EXOC2: variants seen among roughly 807,000 people sequenced by gnomAD.
EXOC2 encodes the protein exocyst complex component 2, also known as SEC5-like 1.
In EXOC2, 70 loss-of-function variants were observed where a neutral mutation model predicts 131.8. The observed-to-expected ratio is 0.53, with a 90% CI of 0.44 to 0.65. The LOEUF (loss-of-function observed/expected upper bound fraction) is 0.65, where lower values mean the gene tolerates loss of function less well. Ranked by LOEUF, EXOC2 falls within the 30% of genes least tolerant of loss-of-function variation. The pLI, the probability that EXOC2 is intolerant of heterozygous loss-of-function variation, is 0.00. For synonymous variants in EXOC2, 411 were observed against 398.4 expected (o/e 1.03, Z -0.38); for missense variants, 923 against 1,108.6 (o/e 0.83, Z 2.38).
At chr6:685,867 C>CTTTTTTTTTTTTTT (rs1491058770) in intron 1 of EXOC2, among the ~76,000 whole-genome samples, 8 of 121,414 alleles carry the variant, frequency 6.6e-5, no homozygotes, top group Admixed American at 2.6e-4. Context: ...TTTCCTGGAC[C>CTTTTTTTTTTTTTT]TCTTTTTTTT....
At chr6:507,121 CACAT>C (rs1471880426) in intron 23 of EXOC2, among the ~76,000 whole-genome samples, 48 of 44,886 alleles carry the variant, frequency 1.1e-3, no homozygotes, top group African/African-American at 2.1e-3. Flanking sequence ...AGTGACTACA[CACAT>C]ACACACACAC....
chr6:603,677 C>A lies in EXOC2; in HGVS notation c.743-4452G>T, dbSNP rs561219492. Among the ~76,000 whole-genome samples the A allele has an allele frequency of 9.9e-5, 15 of 152,058 alleles. No homozygotes were observed. In the South Asian group the frequency reaches 3.1e-3, roughly 32 times the overall value. The stretch of plus-strand genomic sequence containing the variant: ...CCAGCCACTGAGCAAACGTCAGTTT[C>A]TTTTCCACATCCTGGCCCTTCTGGA... On this transcript the variant is annotated intron_variant, in intron 7 of 27. Coordinates refer to ENST00000230449, the MANE Select transcript of EXOC2 (RefSeq NM_018303.6).
At chr6:521,417 A>G (rs1024555672) in intron 23 of EXOC2, among the ~76,000 whole-genome samples, 3 of 152,268 alleles carry the variant, frequency 2.0e-5, no homozygotes, top group African/African-American at 7.2e-5. Flanking sequence ...TATGATGTTC[A>G]TGATGGTAGC....
At chr6:594,912 T>G (rs1413502142) in intron 10 of EXOC2, among the ~76,000 whole-genome samples, 1 of 108,748 alleles carries the variant, frequency 9.2e-6, no homozygotes, top group East Asian at 2.6e-4. Context: ...CTTTTAAAAC[T>G]GCATATTAAG....
chr6:586,881 G>A (rs1561891873), intron 11 of EXOC2, among the ~76,000 whole-genome samples: 1 of 151,520 alleles, frequency 6.6e-6, no homozygotes, highest in Non-Finnish European at 1.5e-5. Context: ...GGTCTGTCCT[G>A]TGGCTTCTCT....
chr6:556,029 T>G lies in EXOC2; in HGVS notation c.1933-16A>C. 1 of 1,611,626 alleles carries G rather than the reference T, an allele frequency of 6.2e-7. No homozygotes were observed. The highest frequency in any genetic ancestry group is 8.5e-7 in the Non-Finnish European group (1 of 1,179,360). ...GTTGGAAGACCTGTAAGGAAGAATTTTGATGAAAATTTTTGGACTTTGCTA... is the reference window on the plus strand; with the variant it reads ...GTTGGAAGACCTGTAAGGAAGAATTGTGATGAAAATTTTTGGACTTTGCTA... On this transcript the variant is annotated splice_polypyrimidine_tract_variant and intron_variant, in intron 18 of 27. Coordinates refer to ENST00000230449, the MANE Select transcript of EXOC2 (RefSeq NM_018303.6).
chr6:546,715 T>C (rs1756883542), intron 22 of EXOC2, among the ~76,000 whole-genome samples: 1 of 152,268 alleles, frequency 6.6e-6, no homozygotes. Flanking sequence ...AATAATTGTC[T>C]TAACATTCTC....
Position 677,514 on chromosome 6 carries a change from T to C in EXOC2, c.-44+15505A>G, listed in dbSNP as rs1467961681. ...AGATATTAAGCAAACATTGATGACT[T>C]ATTTTATCCAGGTACTTAATTTTTT... On this transcript the variant is annotated intron_variant, in intron 1 of 27. Transcript: ENST00000230449. Among the ~76,000 whole-genome samples, 7 of 152,312 alleles carry C rather than the reference T, an allele frequency of 4.6e-5. No individual in the cohort carries two copies. The East Asian group carries it at 1.4e-3, about 29-fold the overall frequency.
intron 23 of EXOC2, among the ~76,000 whole-genome samples, chr6:509,395 A>G (rs1324257747): frequency 6.6e-6 from 1 of 152,172 alleles, no homozygotes; most frequent in East Asian, 1.9e-4. Context: ...TATCATGCAA[A>G]AGGCCACACA....
intron 12 of EXOC2, among the ~76,000 whole-genome samples, chr6:575,305 TA>T (rs1353655959): frequency 2.0e-5 from 3 of 152,264 alleles, no homozygotes; most frequent in Non-Finnish European, 4.4e-5. Flanking sequence ...ACAGTTCTTA[TA>T]TTTTGTTTTC....
chr6:514,855 G>A (rs2493012), intron 23 of EXOC2, among the ~76,000 whole-genome samples: 111,004 of 152,164 alleles, frequency 0.73, 41,016 homozygotes, highest in East Asian at 0.95. Flanking sequence ...CGGAGTCGGA[G>A]GGGAGCGAGG....
intron 1 of EXOC2, chr6:656,375 G>A: frequency 6.2e-7 from 1 of 1,614,166 alleles, no homozygotes; most frequent in Non-Finnish European, 8.5e-7. Context: ...CTATACTCAG[G>A]GTCATCCTGC....
intron 6 of EXOC2, among the ~76,000 whole-genome samples, chr6:612,903 C>T (rs1010342891): frequency 6.6e-5 from 10 of 152,102 alleles, no homozygotes; most frequent in African/African-American, 1.2e-4. Flanking sequence ...CTGGACTTGC[C>T]GCTAAAAACA....
Position 666,694 on chromosome 6 carries a change from C to A in EXOC2, c.-44+26325G>T, listed in dbSNP as rs1476136012. Among the ~76,000 whole-genome samples the A allele has an allele frequency of 5.0e-4, 48 of 96,672 alleles. 13 individuals are homozygous for A. The highest frequency in any genetic ancestry group is 1.4e-3 in the African/African-American group (47 of 32,634). 63.4% of individuals were successfully genotyped at this position (96,672 alleles called of 152,430 possible). A position where few individuals can be genotyped will look rare whatever the true frequency, so the allele number is the denominator to read the frequency against. ...CAACTGAGGAGCCAATACTGATATACTATTAAGTAAGTTCCATAGTTTACA... is the reference window on the plus strand; with the variant it reads ...CAACTGAGGAGCCAATACTGATATAATATTAAGTAAGTTCCATAGTTTACA... On this transcript the variant is annotated intron_variant, in intron 1 of 27. Coordinates refer to ENST00000230449, the MANE Select transcript of EXOC2 (RefSeq NM_018303.6).
At chr6:651,197 A>AT (rs536789967) in intron 1 of EXOC2, among the ~76,000 whole-genome samples, 4,225 of 151,012 alleles carry the variant, frequency 0.028, 165 homozygotes, top group African/African-American at 0.085. Flanking sequence ...TGCCCAGCTA[A>AT]TTTTTTTTTG....
chr6:555,872 T>C, intron 19 of EXOC2, 82 bp downstream of exon 19: 1 of 1,356,492 alleles, frequency 7.4e-7, no homozygotes, highest in East Asian at 2.3e-5. Context: ...GTGAACGTCA[T>C]CTGCAGATTA....
chr6:648,716 CTTTTTTTTTTTTTT>C (rs60202015), intron 1 of EXOC2, among the ~76,000 whole-genome samples: 3 of 88,560 alleles, frequency 3.4e-5, no homozygotes, highest in African/African-American at 4.5e-5. Flanking sequence ...TTTAAAAACT[CTTTTTTTTTTTTTT>C]TTTTTTTTTG....
chr6:488,529 A>G (rs1315973439), intron 27 of EXOC2, among the ~76,000 whole-genome samples: 1 of 152,188 alleles, frequency 6.6e-6, no homozygotes, highest in African/African-American at 2.4e-5. Context: ...ATCTACTTTC[A>G]TAACATTTTG....
At chr6:635,230 T>G (rs1484900951) in intron 2 of EXOC2, among the ~76,000 whole-genome samples, 1 of 152,242 alleles carries the variant, frequency 6.6e-6, no homozygotes, top group Non-Finnish European at 1.5e-5. Context: ...ACTACCTTAT[T>G]TTTAAAACTG....
Sources: gnomAD v4.1 joint callset for allele counts (sites outside exome capture counted in the v4.1 genomes callset) on GRCh38, gnomAD v4.1.1 for gene constraint, MANE v1.5 for transcripts, NCBI Gene and HGNC (gene_info 2026-07-23, HGNC 2026-07-21) for gene names.